Variants in P2RY14 observed in about 807,000 individuals in gnomAD.
The protein encoded by P2RY14 is P2Y purinoceptor 14.
Under a neutral mutation model 0.9 loss-of-function variants are expected in P2RY14, and 2 were observed. The ratio of observed to expected loss-of-function variants is 2.16; its 90% CI spans 0.88 to 6.79. P2RY14 has a LOEUF of 6.79. P2RY14 is among the 30% of genes most tolerant of loss of function. The pLI is 0.05. For synonymous variants in P2RY14, 158 were observed against 147.2 expected, an observed-to-expected ratio of 1.07 and a Z score of -0.53; for missense variants, 378 against 400.1, an observed-to-expected ratio of 0.94 and a Z score of 0.47.
intron 1 of P2RY14, among the ~76,000 whole-genome samples, chr3:151,254,975 C>G (rs1252193663): frequency 1.3e-5 from 2 of 152,146 alleles, no homozygotes; most frequent in East Asian, 3.8e-4. Flanking sequence ...TGCCTTGCTG[C>G]TCTTTTTTTT....
intron 1 of P2RY14, among the ~76,000 whole-genome samples, chr3:151,251,997 CTG>C (rs1306123260): frequency 6.6e-6 from 1 of 152,106 alleles, no homozygotes; most frequent in East Asian, 1.9e-4. Context: ...TATTACATAA[CTG>C]TGTAATTTGT....
chr3:151,247,641 T>A (rs1309193692), intron 1 of P2RY14, among the ~76,000 whole-genome samples: 1 of 141,400 alleles, frequency 7.1e-6, no homozygotes, highest in African/African-American at 2.6e-5. Flanking sequence ...GGGATAGCAT[T>A]GGGAGATGTA....
At chr3:151,275,725 A>G (rs1321382849) in intron 1 of P2RY14, among the ~76,000 whole-genome samples, 5 of 152,212 alleles carry the variant, frequency 3.3e-5, no homozygotes, top group Admixed American at 1.3e-4. Flanking sequence ...AAAATTTAGT[A>G]AAGAGGGTTT....
At chr3:151,248,809 G>A (rs977387826) in intron 1 of P2RY14, 1 of 151,894 alleles carries the variant, frequency 6.6e-6, no homozygotes, top group Non-Finnish European at 1.5e-5. Flanking sequence ...ATTTTACATT[G>A]TAATCACAAA....
intron 1 of P2RY14, among the ~76,000 whole-genome samples, chr3:151,268,805 A>G (rs1740317076): frequency 6.6e-6 from 1 of 152,362 alleles, no homozygotes; most frequent in East Asian, 1.9e-4. Context: ...TTTAAGATGT[A>G]TCATAGACCT....
At chr3:151,221,854 G>A (rs1340699893) in intron 1 of P2RY14, among the ~76,000 whole-genome samples, 1 of 152,216 alleles carries the variant, frequency 6.6e-6, no homozygotes, top group East Asian at 1.9e-4. Context: ...GGAGCTGTGA[G>A]AGGAGGGCCA....
intron 1 of P2RY14, among the ~76,000 whole-genome samples, chr3:151,237,824 G>A (rs528354609): frequency 6.6e-6 from 1 of 151,994 alleles, no homozygotes; most frequent in South Asian, 2.1e-4. Flanking sequence ...AAATGATATG[G>A]GCATCTCTTC....
intron 1 of P2RY14, among the ~76,000 whole-genome samples, chr3:151,246,691 C>T (rs1334106380): frequency 2.0e-5 from 3 of 152,280 alleles, no homozygotes; most frequent in East Asian, 3.9e-4. Context: ...TAGGCATTAC[C>T]ATTCAGGACA....
At chr3:151,242,591 C>G (rs1333750790) in intron 1 of P2RY14, among the ~76,000 whole-genome samples, 4 of 152,118 alleles carry the variant, frequency 2.6e-5, no homozygotes, top group Admixed American at 6.5e-5. Context: ...AAACAGAAAA[C>G]ACATCCACAC....
chr3:151,224,694 C>A (rs1005671626), intron 1 of P2RY14, among the ~76,000 whole-genome samples: 1 of 152,164 alleles, frequency 6.6e-6, no homozygotes, highest in Non-Finnish European at 1.5e-5. Flanking sequence ...TTGTCATCAC[C>A]CAGAGCATTT....
At chr3:151,250,241 A>AT (rs1023120588) in intron 1 of P2RY14, among the ~76,000 whole-genome samples, 29 of 151,978 alleles carry the variant, frequency 1.9e-4, no homozygotes, top group Non-Finnish European at 3.4e-4. Context: ...ATTTTGAAAG[A>AT]TTTTTTTTGT....
rs545437120 is a variant in P2RY14, at chr3:151,222,606, C to G, written c.-132-2964G>C. Among the ~76,000 whole-genome samples the G allele has an allele frequency of 4.6e-5, 7 of 152,316 alleles. No individual in the cohort carries two copies. In the East Asian group the frequency reaches 1.3e-3, roughly 29 times the overall value. ...TGCCACCATGTGAGATGTGCTCCAC[C>G]ATGATTGTGAAGCCTCCTCAGCCAT... On this transcript the variant is annotated intron_variant, in intron 1 of 2. Coordinates refer to ENST00000309170, the MANE Select transcript of P2RY14 (RefSeq NM_014879.4).
At chr3:151,263,096 G>A (rs1385405408) in intron 1 of P2RY14, among the ~76,000 whole-genome samples, 1 of 152,134 alleles carries the variant, frequency 6.6e-6, no homozygotes, top group Non-Finnish European at 1.5e-5. Context: ...TGGGGTTGAC[G>A]AGTGAGGATT....
rs770915076 is a variant in P2RY14, at chr3:151,213,914, C to A, written c.403G>T (p.Val135Leu). The part of the protein sequence containing the change: ...KPLWTSFIQS[V>L]SYSKLLSVIV... ...ACTGACAGAAGTTTGCTGTAACTCACTGACTGGATGAAAGAAGTCCAAAGA... is the reference window on the plus strand; with the variant it reads ...ACTGACAGAAGTTTGCTGTAACTCAATGACTGGATGAAAGAAGTCCAAAGA... Residue 135 changes from valine (V) to leucine (L), a missense_variant, in exon 3 of 3, where the codon GTG becomes TTG. Physicochemically the swap from Val to Leu is conservative, Grantham distance 32. Coordinates refer to ENST00000309170, the MANE Select transcript of P2RY14 (RefSeq NM_014879.4). The A allele has an allele frequency of 1.9e-6, 3 of 1,614,142 alleles. No homozygotes were observed. The Admixed American group carries it at 5.0e-5, about 27-fold the overall frequency.
chr3:151,244,022 G>A (rs1167084093), intron 1 of P2RY14, among the ~76,000 whole-genome samples: 1 of 125,502 alleles, frequency 8.0e-6, no homozygotes, highest in African/African-American at 2.7e-5. Flanking sequence ...GACAAAGAAG[G>A]CCATTACATA....
chr3:151,237,080 G>C (rs890198102), intron 1 of P2RY14, among the ~76,000 whole-genome samples: 1 of 135,022 alleles, frequency 7.4e-6, no homozygotes, highest in Admixed American at 8.3e-5. Context: ...ACGGAATCTC[G>C]CTCTGTTGCC....
chr3:151,214,298 T>TGGAG lies in P2RY14; in HGVS notation c.15_18dup (p.Thr7LeufsTer7). 6.2e-7 allele frequency: 1 copy of TGGAG among 1,613,464 alleles called. No individual in the cohort carries two copies. On this transcript the variant is annotated frameshift_variant, in exon 3 of 3. Transcript: ENST00000309170. LOFTEE classifies it low-confidence loss of function (END_TRUNC). ...GAGCAGGATTCATCTGGAGGCTGTG[T>TGGAG]GGAGGTTGAATTGATCATCTTGTAA...
At position 151,213,461 on chromosome 3, in the gene P2RY14, C is replaced by T. The variant is rs747451996; in HGVS notation, c.856G>A (p.Ala286Thr). Residue 286 changes from alanine (A) to threonine (T), a missense_variant, in exon 3 of 3, where the codon GCA (alanine) becomes ACA (threonine). Physicochemically the swap from Ala to Thr is moderately conservative, Grantham distance 58 (BLOSUM62 0). Transcript: ENST00000309170. Reference sequence around the variant, plus strand: ...ATAATAGGGTCCAAGCATACATTTGCAGCAGATAGTAGCAGAGTGAATTCT... The same window carrying T: ...ATAATAGGGTCCAAGCATACATTTGTAGCAGATAGTAGCAGAGTGAATTCT... Reference protein sequence around the residue: ...MKEFTLLLSAANVCLDPIIYF... With the variant: ...MKEFTLLLSATNVCLDPIIYF... The T allele has an allele frequency of 1.9e-6, 3 of 1,614,150 alleles. No homozygotes were observed. The East Asian group carries it at 6.7e-5, about 36-fold the overall frequency.
Position 151,274,441 on chromosome 3 carries a change from T to C in P2RY14, c.-133+3846A>G, listed in dbSNP as rs190471060. On this transcript the variant is annotated intron_variant, in intron 1 of 2. Transcript: ENST00000309170. The stretch of plus-strand genomic sequence containing the variant: ...GTAGTGCTTATAGGCATATTTATAG[T>C]GGGGAAAGAGGCAGTGAAATCCTTG... Among the ~76,000 whole-genome samples the C allele has an allele frequency of 8.9e-4, 135 of 152,270 alleles. 1 individual carries two copies. Among genetic ancestry groups the C allele is most frequent in the African/African-American group, 3.2e-3 (131 of 41,568 alleles).
Sources: gnomAD v4.1 joint callset for allele counts (sites outside exome capture counted in the v4.1 genomes callset) on GRCh38, gnomAD v4.1.1 for gene constraint, MANE v1.5 for transcripts, NCBI Gene and HGNC (gene_info 2026-07-23, HGNC 2026-07-21) for gene names.